NRXN1: variants seen among roughly 807,000 people sequenced by gnomAD.
The protein encoded by NRXN1 is neurexin 1.
In NRXN1, 39 loss-of-function variants were observed where a neutral mutation model predicts 150.9. The ratio of observed to expected loss-of-function variants is 0.26; its 90% CI spans 0.20 to 0.34. The LOEUF is 0.34. Among genes scored for constraint, NRXN1 ranks in the 10% least tolerant of loss-of-function variants. NRXN1 has a pLI of 1.00. For synonymous variants in NRXN1, 924 were observed against 757.0 expected (o/e 1.22, Z -3.62); for missense variants, 1,815 against 1,949.9 (o/e 0.93, Z 1.30).
chr2:50,096,203 G>C (rs760604052), intron 18 of NRXN1, among the ~76,000 whole-genome samples: 2 of 151,996 alleles, frequency 1.3e-5, no homozygotes, highest in African/African-American at 2.4e-5. Flanking sequence ...ATCAGGCTTT[G>C]AAAAACAGTT....
intron 5 of NRXN1, among the ~76,000 whole-genome samples, chr2:50,892,310 T>C (rs1241749235): frequency 6.6e-6 from 1 of 152,144 alleles, no homozygotes. Context: ...AGAATAATTG[T>C]AGATGGAAGT....
At chr2:50,722,637 G>T (rs1479858620) in intron 5 of NRXN1, among the ~76,000 whole-genome samples, 1 of 152,044 alleles carries the variant, frequency 6.6e-6, no homozygotes, top group South Asian at 2.1e-4. Context: ...TACCATTATT[G>T]CTTCTGCTTT....
chr2:50,262,212 A>G (rs752874539), intron 17 of NRXN1, among the ~76,000 whole-genome samples: 1 of 152,006 alleles, frequency 6.6e-6, no homozygotes, highest in Admixed American at 6.6e-5. Context: ...ACAACACAGT[A>G]GAGGACATTT....
At chr2:50,621,172 C>T (rs752237807) in intron 7 of NRXN1, 54 bp downstream of exon 7, 2 of 1,494,948 alleles carry the variant, frequency 1.3e-6, no homozygotes, top group South Asian at 1.3e-5. Context: ...ACACGGCAAA[C>T]CCAAAATAAG....
intron 5 of NRXN1, among the ~76,000 whole-genome samples, chr2:50,825,593 T>G (rs1402286726): frequency 6.6e-6 from 1 of 152,214 alleles, no homozygotes; most frequent in Non-Finnish European, 1.5e-5. Context: ...GTGCCCCTTC[T>G]TCCGTACATC....
chr2:50,656,421 T>TTA (rs1686470337), intron 5 of NRXN1: 2 of 774,596 alleles, frequency 2.6e-6, no homozygotes, highest in African/African-American at 3.4e-5. Context: ...AAATAGGAGT[T>TTA]TATAAAGTTC....
At chr2:50,975,352 G>A (rs1351551272) in intron 2 of NRXN1, among the ~76,000 whole-genome samples, 1 of 152,012 alleles carries the variant, frequency 6.6e-6, no homozygotes, top group East Asian at 1.9e-4. Context: ...CTAATCTAAA[G>A]CAAGCTTCCA....
intron 21 of NRXN1, among the ~76,000 whole-genome samples, chr2:50,037,454 T>C (rs548403838): frequency 8.5e-5 from 13 of 152,332 alleles, no homozygotes; most frequent in South Asian, 4.2e-4. Flanking sequence ...TAAATTGAAA[T>C]AGGATAACAA....
intron 5 of NRXN1, among the ~76,000 whole-genome samples, chr2:50,792,559 G>A (rs1275810378): frequency 6.6e-6 from 1 of 151,912 alleles, no homozygotes; most frequent in Non-Finnish European, 1.5e-5. Context: ...AGGAAGGGAT[G>A]GTATTGGTTG....
intron 18 of NRXN1, among the ~76,000 whole-genome samples, chr2:50,231,584 C>CA (rs1316982651): frequency 6.6e-6 from 1 of 152,082 alleles, no homozygotes; most frequent in East Asian, 1.9e-4. Flanking sequence ...AAATGTGCAA[C>CA]AATTCACTCA....
At chr2:50,289,148 A>T (rs2072581516) in intron 17 of NRXN1, among the ~76,000 whole-genome samples, 1 of 152,184 alleles carries the variant, frequency 6.6e-6, no homozygotes. Context: ...AATGAATAAC[A>T]TGTAAATGGA....
At chr2:50,780,195 A>G (rs948387794) in intron 5 of NRXN1, among the ~76,000 whole-genome samples, 4 of 152,082 alleles carry the variant, frequency 2.6e-5, no homozygotes, top group African/African-American at 9.7e-5. Flanking sequence ...TATATCCTAC[A>G]CCCACTTTTC....
At chr2:50,505,850 T>G (rs2092194722) in intron 13 of NRXN1, among the ~76,000 whole-genome samples, 1 of 152,152 alleles carries the variant, frequency 6.6e-6, no homozygotes, top group South Asian at 2.1e-4. Context: ...AATATCCCAG[T>G]GGGTCACGTG....
At chr2:50,192,867 G>A (rs1372049396) in intron 18 of NRXN1, among the ~76,000 whole-genome samples, 1 of 152,112 alleles carries the variant, frequency 6.6e-6, no homozygotes, top group Non-Finnish European at 1.5e-5. Context: ...CCATCGGCAG[G>A]CTGGGATTAG....
At chr2:50,023,875 G>A (rs1687915522) in intron 21 of NRXN1, 1 of 152,124 alleles carries the variant, frequency 6.6e-6, no homozygotes, top group African/African-American at 2.4e-5. Flanking sequence ...ACCAGTTCAT[G>A]TATGCCACCA....
chr2:50,987,575 CAAGA>C (rs1697916567), intron 2 of NRXN1, among the ~76,000 whole-genome samples: 1 of 151,824 alleles, frequency 6.6e-6, no homozygotes, highest in Non-Finnish European at 1.5e-5. Context: ...AGAATCTTAC[CAAGA>C]AAAAGGCCTC....
intron 18 of NRXN1, among the ~76,000 whole-genome samples, chr2:50,107,517 C>CTATATA (rs1333614060): frequency 6.2e-4 from 77 of 123,808 alleles, no homozygotes; most frequent in Middle Eastern, 4.7e-3. Flanking sequence ...ACATTCCAGA[C>CTATATA]TACATATATA....
chr2:50,279,642 A>T (rs2071131241), intron 17 of NRXN1, among the ~76,000 whole-genome samples: 1 of 152,166 alleles, frequency 6.6e-6, no homozygotes, highest in Non-Finnish European at 1.5e-5. Context: ...ATCAAACTGA[A>T]AATGTGCTCT....
At chr2:50,901,586 A>G (rs917128853) in intron 5 of NRXN1, among the ~76,000 whole-genome samples, 1 of 152,186 alleles carries the variant, frequency 6.6e-6, no homozygotes, top group African/African-American at 2.4e-5. Context: ...TTATGCTTTC[A>G]AAGTTCCCCA....
Sources: allele counts gnomAD v4.1 joint callset (sites outside exome capture counted in the v4.1 genomes callset), GRCh38; gene constraint gnomAD v4.1.1; transcripts MANE v1.5; gene names NCBI Gene and HGNC (gene_info 2026-07-23, HGNC 2026-07-21).